Variants in LINGO2 observed in about 807,000 individuals in gnomAD.
LINGO2 encodes leucine-rich repeat and immunoglobulin-like domain-containing nogo receptor-interacting protein 2.
Under a neutral mutation model 30.6 loss-of-function variants are expected in LINGO2, and 14 were observed. The observed-to-expected ratio is 0.46, with a 90% confidence interval of 0.30 to 0.72. The LOEUF (loss-of-function observed/expected upper bound fraction) is 0.72. Ranked by LOEUF, LINGO2 falls within the 30% of genes least tolerant of loss-of-function variation. The probability of loss-of-function intolerance (pLI) is 0.07; values close to 1 mark genes in which losing one functional copy is unlikely to be tolerated. For synonymous variants in LINGO2, 317 were observed against 288.5 expected (o/e 1.10, Z -1.00); for missense variants, 729 against 751.7 (o/e 0.97, Z 0.35).
chr9:28,051,518 A>T (rs982009319), intron 4 of LINGO2, among the ~76,000 whole-genome samples: 1 of 152,106 alleles, frequency 6.6e-6, no homozygotes, highest in Non-Finnish European at 1.5e-5. Flanking sequence ...TGAAGTGAAT[A>T]CCTTGCACTG....
rs187121631 is a variant in LINGO2, at chr9:28,076,800, G to C, written c.-86-64395C>G. ...ATTCCACTGGCTTCTGGATTCCACA[G>C]TTGTTGGTGAAAAGTTACCTGTCAA... On this transcript the variant is annotated intron_variant, in intron 4 of 5. Coordinates refer to ENST00000379992, the Ensembl canonical transcript of LINGO2. Among the ~76,000 whole-genome samples, 170 of 152,186 alleles carry C rather than the reference G, an allele frequency of 1.1e-3. 1 individual carries two copies. The highest frequency in any genetic ancestry group is 3.1e-3 in the African/African-American group (128 of 41,530).
At chr9:28,701,955 AG>A in the LINGO2 span, among the ~76,000 whole-genome samples, 1 of 151,946 alleles carries the variant, frequency 6.6e-6, no homozygotes, top group African/African-American at 2.4e-5. Context: ...TATATGGGAA[AG>A]TGGTTAACTT....
chr9:28,682,085 T>G, the LINGO2 span, among the ~76,000 whole-genome samples: 1 of 152,182 alleles, frequency 6.6e-6, no homozygotes, highest in Non-Finnish European at 1.5e-5. Context: ...GAGTTGCCAA[T>G]GCTTGGGCAT....
At chr9:28,884,734 G>C in the LINGO2 span, among the ~76,000 whole-genome samples, 3 of 137,846 alleles carry the variant, frequency 2.2e-5, no homozygotes, top group Non-Finnish European at 4.6e-5. Context: ...ATATAAATTT[G>C]TAAAACTATA....
rs1379825332 is a variant in LINGO2, at chr9:28,640,037, A to AT, written c.-365+30162dup. ...CCTGGTGGTGACAAAATCTCTCAGC[A>AT]TTTGCTTGTCTGTAAAGGATTTTAT... On this transcript the variant is annotated intron_variant, in intron 1 of 5. Coordinates refer to ENST00000379992, the Ensembl canonical transcript of LINGO2. Among the ~76,000 whole-genome samples, 4 of 152,006 alleles carry AT rather than the reference A, an allele frequency of 2.6e-5. 1 individual carries two copies. Among genetic ancestry groups the AT allele is most frequent in the Admixed American group, 2.6e-4 (4 of 15,250 alleles).
downstream of LINGO2, among the ~76,000 whole-genome samples, chr9:27,947,418 G>GAAAA (rs1823407649): frequency 6.6e-6 from 1 of 151,962 alleles, no homozygotes; most frequent in Non-Finnish European, 1.5e-5. Context: ...CATATTTATG[G>GAAAA]GGCTATAACC....
chr9:28,155,660 T>C (rs575908944), intron 4 of LINGO2, among the ~76,000 whole-genome samples: 1 of 152,280 alleles, frequency 6.6e-6, no homozygotes, highest in South Asian at 2.1e-4. Context: ...TAGGAAATAG[T>C]TGGTGTAAGA....
At chr9:28,354,292 T>A (rs1820064241) in intron 3 of LINGO2, among the ~76,000 whole-genome samples, 1 of 152,192 alleles carries the variant, frequency 6.6e-6, no homozygotes. Flanking sequence ...TATGTTGCGG[T>A]TCATTATTAA....
At chr9:28,101,873 C>G (rs1826426719) in intron 4 of LINGO2, among the ~76,000 whole-genome samples, 1 of 152,154 alleles carries the variant, frequency 6.6e-6, no homozygotes, top group Admixed American at 6.6e-5. Context: ...AAGTCAAGAA[C>G]AGTCAACCTT....
At chr9:28,679,021 G>A in the LINGO2 span, among the ~76,000 whole-genome samples, 5 of 152,082 alleles carry the variant, frequency 3.3e-5, no homozygotes, top group East Asian at 1.9e-4. Flanking sequence ...TGTGGCAGTC[G>A]GCTTTGGAAG....
intron 4 of LINGO2, among the ~76,000 whole-genome samples, chr9:28,034,093 A>C (rs1823815314): frequency 6.6e-6 from 1 of 152,140 alleles, no homozygotes; most frequent in Admixed American, 6.5e-5. Context: ...CTCCAAAGTG[A>C]ATTAGCTTCA....
At chr9:28,523,124 C>T (rs532738890) in intron 1 of LINGO2, among the ~76,000 whole-genome samples, 2 of 151,406 alleles carry the variant, frequency 1.3e-5, no homozygotes, top group Non-Finnish European at 3.0e-5. Flanking sequence ...AAAATAAATT[C>T]AATAAATTTA....
chr9:28,095,293 A>G (rs1826211945), intron 4 of LINGO2, among the ~76,000 whole-genome samples: 1 of 152,116 alleles, frequency 6.6e-6, no homozygotes, highest in African/African-American at 2.4e-5. Flanking sequence ...GCCGTATCCC[A>G]ACTACTCAGT....
At chr9:29,199,486 C>T in the LINGO2 span, among the ~76,000 whole-genome samples, 1 of 152,078 alleles carries the variant, frequency 6.6e-6, no homozygotes, top group Admixed American at 6.6e-5. Flanking sequence ...TCACCTTTAC[C>T]TCTCCTACCT....
rs565715333 is a variant in LINGO2 at position 28,089,035 on chromosome 9, C to T, written c.-86-76630G>A. On this transcript the variant is annotated intron_variant, in intron 4 of 5. Coordinates refer to ENST00000379992, the Ensembl canonical transcript of LINGO2. Reference sequence around the variant, plus strand: ...GCTAACTATCCTAAATATATATGCACCCAATGCAGGAGCACCCAGATTCAT... The same window carrying T: ...GCTAACTATCCTAAATATATATGCATCCAATGCAGGAGCACCCAGATTCAT... Among the ~76,000 whole-genome samples the T allele has an allele frequency of 3.5e-3, 527 of 152,224 alleles. 5 individuals carry two copies. Among genetic ancestry groups the T allele is most frequent in the Non-Finnish European group, 3.6e-3 (243 of 68,018 alleles).
chr9:29,103,138 G>C, the LINGO2 span, among the ~76,000 whole-genome samples: 4 of 152,018 alleles, frequency 2.6e-5, no homozygotes, highest in African/African-American at 9.7e-5. Flanking sequence ...TCTATTCACA[G>C]CACCACCACC....
intron 1 of LINGO2, among the ~76,000 whole-genome samples, chr9:28,507,922 A>G (rs1820219901): frequency 6.6e-6 from 1 of 152,128 alleles, no homozygotes; most frequent in Non-Finnish European, 1.5e-5. Context: ...GAGCAAAGGT[A>G]GGATGACAGT....
At position 28,436,443 on chromosome 9, in the gene LINGO2, T is replaced by C. The variant is rs1476118539; in HGVS notation, c.-279+39497A>G. On this transcript the variant is annotated intron_variant, in intron 2 of 5. Transcript: ENST00000379992. ...GAGAATTTATTTATTTATTTATTTATTTATTTATTTATTTATTTATTTATT... is the reference window on the plus strand; with the variant it reads ...GAGAATTTATTTATTTATTTATTTACTTATTTATTTATTTATTTATTTATT... 3.3e-5 allele frequency among the ~76,000 whole-genome samples: 5 copies of C among 149,540 alleles called. 1 individual carries two copies. In the South Asian group the frequency reaches 1.1e-3, roughly 32 times the overall value.
chr9:29,165,452 C>G, the LINGO2 span, among the ~76,000 whole-genome samples: 1 of 151,920 alleles, frequency 6.6e-6, no homozygotes, highest in Non-Finnish European at 1.5e-5. Context: ...GCTATTTCCC[C>G]CATGGATTTG....
Sources: allele counts gnomAD v4.1 joint callset (sites outside exome capture counted in the v4.1 genomes callset), GRCh38; gene constraint gnomAD v4.1.1; transcripts MANE v1.5; gene names NCBI Gene and HGNC (gene_info 2026-07-23, HGNC 2026-07-21).